Variants in JMJD1C observed in about 807,000 individuals in gnomAD.
JMJD1C encodes jumonji domain containing 1C.
A neutral mutation model predicts 245.3 loss-of-function variants in JMJD1C; 31 were observed. That is an observed-to-expected ratio of 0.13 (90% CI 0.09 to 0.17). JMJD1C has a LOEUF of 0.17. JMJD1C is among the 10% of genes least tolerant of loss of function. The pLI is 1.00. For synonymous variants in JMJD1C, 1,057 were observed against 1,017.4 expected, an observed-to-expected ratio of 1.04 and a Z score of -0.74; for missense variants, 2,691 against 3,000.2, an observed-to-expected ratio of 0.90 and a Z score of 2.41.
intron 1 of JMJD1C, among the ~76,000 whole-genome samples, chr10:63,493,546 T>G (rs1954249519): frequency 6.6e-6 from 1 of 152,150 alleles, no homozygotes; most frequent in African/African-American, 2.4e-5. Context: ...CCTCCCAAAG[T>G]GCTGGGATTA....
At position 63,465,719 on chromosome 10, in the gene JMJD1C, C is replaced by G; in HGVS notation, c.-57G>C. On this transcript the variant is annotated 5_prime_UTR_variant, in exon 1 of 26. Transcript: ENST00000399262. ...TCCAGTGCGAGGGAACCGATGAAAC[C>G]TCACTCCTACCGGCCGCTCATGCTG... 1 of 1,583,848 alleles carries G rather than the reference C, an allele frequency of 6.3e-7. No homozygotes were observed. Among genetic ancestry groups the G allele is most frequent in the South Asian group, 1.1e-5 (1 of 90,142 alleles).
In JMJD1C at chr10:63,375,324, C is replaced by G. The variant is rs1946646086; in HGVS notation, c.333+4994G>C. Among the ~76,000 whole-genome samples the G allele has an allele frequency of 2.7e-5, 4 of 150,830 alleles. No individual in the cohort carries two copies. The Admixed American group carries it at 2.7e-4, about 10-fold the overall frequency. ...ACCTCAGCTTCCCAAGTAGCTAGGA[C>G]TACAGGCTCACGCTGACTAGTTTCT... On this transcript the variant is annotated intron_variant, in intron 2 of 25. Coordinates refer to ENST00000399262, the MANE Select transcript of JMJD1C (RefSeq NM_032776.3).
intron 2 of JMJD1C, among the ~76,000 whole-genome samples, chr10:63,303,086 A>C (rs1860292842): frequency 6.6e-6 from 1 of 151,964 alleles, no homozygotes; most frequent in Admixed American, 6.6e-5. Flanking sequence ...TAATAGGAAA[A>C]AAATTGTGTT....
At chr10:63,228,609 A>G (rs1410437555) in intron 3 of JMJD1C, among the ~76,000 whole-genome samples, 2 of 152,210 alleles carry the variant, frequency 1.3e-5, no homozygotes, top group Admixed American at 1.3e-4. Context: ...TAAAAACAAC[A>G]AAACAGAACA....
chr10:63,272,833 CAA>C (rs554734133), intron 2 of JMJD1C, among the ~76,000 whole-genome samples: 21 of 152,262 alleles, frequency 1.4e-4, no homozygotes, highest in East Asian at 5.8e-4. Flanking sequence ...TGCATAAACT[CAA>C]GTTTGTCTAC....
chr10:63,493,671 T>C (rs1373253768), intron 1 of JMJD1C, among the ~76,000 whole-genome samples: 2 of 152,218 alleles, frequency 1.3e-5, no homozygotes, highest in African/African-American at 4.8e-5. Flanking sequence ...TGAAAGTACA[T>C]ATTATTAGAT....
chr10:63,474,362 T>C (rs1414676724), intron 1 of JMJD1C, among the ~76,000 whole-genome samples: 1 of 152,090 alleles, frequency 6.6e-6, no homozygotes, highest in African/African-American at 2.4e-5. Context: ...TGAAGAAAAG[T>C]GTTTTAGGAT....
At position 63,341,146 on chromosome 10, in the gene JMJD1C, T is replaced by A. The variant is rs117512733; in HGVS notation, c.333+39172A>T. Among the ~76,000 whole-genome samples the A allele has an allele frequency of 5.8e-4, 88 of 152,260 alleles. No homozygotes were observed. In the East Asian group the frequency reaches 0.011, roughly 20 times the overall value. On this transcript the variant is annotated intron_variant, in intron 2 of 25. Transcript: ENST00000399262. ...CAAGCAAATATCCATCCGGATGAGC[T>A]GAAAAACTGAAGGGAACTATAAATA...
intron 2 of JMJD1C, among the ~76,000 whole-genome samples, chr10:63,305,638 G>GTGTGTGTC (rs1938082799): frequency 1.3e-5 from 1 of 77,672 alleles, no homozygotes; most frequent in Non-Finnish European, 2.4e-5. Context: ...GCGTGTGTGT[G>GTGTGTGTC]TGTGTGTGTG....
At chr10:63,317,850 T>G (rs542983013) in intron 2 of JMJD1C, among the ~76,000 whole-genome samples, 2 of 152,272 alleles carry the variant, frequency 1.3e-5, no homozygotes, top group East Asian at 3.9e-4. Context: ...CTGATCTTTT[T>G]TCTTTTCTTT....
intron 24 of JMJD1C, among the ~76,000 whole-genome samples, chr10:63,170,659 T>C (rs1429196236): frequency 1.3e-5 from 2 of 152,236 alleles, no homozygotes; most frequent in Non-Finnish European, 2.9e-5. Flanking sequence ...CTGTCAGTCT[T>C]TGCCAGCTTA....
chr10:63,315,576 T>C (rs1413186871), intron 2 of JMJD1C, among the ~76,000 whole-genome samples: 8 of 152,088 alleles, frequency 5.3e-5, no homozygotes, highest in Non-Finnish European at 1.5e-5. Context: ...CAGTGGCTCA[T>C]GCCTATAATC....
chr10:63,396,615 G>A (rs1381007339), intron 1 of JMJD1C, among the ~76,000 whole-genome samples: 1 of 152,118 alleles, frequency 6.6e-6, no homozygotes, highest in East Asian at 1.9e-4. Flanking sequence ...TTCCCTAAAT[G>A]AAACTGTGGT....
chr10:63,480,746 A>C (rs776477178), intron 1 of JMJD1C, among the ~76,000 whole-genome samples: 7 of 148,878 alleles, frequency 4.7e-5, no homozygotes, highest in Non-Finnish European at 1.1e-4. Context: ...CATTGCTGTT[A>C]TATCACTCAG....
chr10:63,312,679 G>A (rs988509320), intron 2 of JMJD1C, among the ~76,000 whole-genome samples: 1 of 152,058 alleles, frequency 6.6e-6, no homozygotes, highest in African/African-American at 2.4e-5. Context: ...CAAATGCCTT[G>A]TACTATACTT....
At chr10:63,431,732 G>A (rs561838850) in intron 1 of JMJD1C, among the ~76,000 whole-genome samples, 3 of 152,314 alleles carry the variant, frequency 2.0e-5, no homozygotes, top group Non-Finnish European at 2.9e-5. Context: ...ACTCACTTGC[G>A]GCCGGGCGCA....
intron 1 of JMJD1C, among the ~76,000 whole-genome samples, chr10:63,384,446 G>C (rs1324475116): frequency 6.6e-6 from 1 of 152,088 alleles, no homozygotes; most frequent in African/African-American, 2.4e-5. Flanking sequence ...CTTGATCTAT[G>C]GGCTGCAGAA....
chr10:63,449,622 T>C (rs1951918099), intron 1 of JMJD1C, among the ~76,000 whole-genome samples: 1 of 152,108 alleles, frequency 6.6e-6, no homozygotes, highest in Admixed American at 6.5e-5. Context: ...AATATACATC[T>C]AAGTGTCAAA....
chr10:63,438,688 G>A (rs1028880865), intron 1 of JMJD1C, among the ~76,000 whole-genome samples: 6 of 151,802 alleles, frequency 4.0e-5, no homozygotes, highest in African/African-American at 1.2e-4. Context: ...CCTCAAATAC[G>A]CTAGGCTCAT....
Sources: allele counts gnomAD v4.1 joint callset (sites outside exome capture counted in the v4.1 genomes callset), GRCh38; gene constraint gnomAD v4.1.1; transcripts MANE v1.5; gene names NCBI Gene and HGNC (gene_info 2026-07-23, HGNC 2026-07-21).